Variants in PIBF1 observed in about 807,000 individuals in gnomAD.
The protein encoded by PIBF1 is progesterone-induced-blocking factor 1.
A neutral mutation model predicts 112.5 loss-of-function variants in PIBF1; 90 were observed. That is an observed-to-expected ratio of 0.80 (90% CI 0.67 to 0.95). The LOEUF is 0.95. Among genes scored for constraint, PIBF1 ranks in the 40% least tolerant of loss-of-function variants. PIBF1 has a pLI of 0.00. For missense variants in PIBF1, 915 were observed against 852.3 expected (o/e 1.07, Z -0.92); for synonymous variants, 301 against 288.6 (o/e 1.04, Z -0.44).
chr13:72,904,897 A>G (rs1454843790), intron 11 of PIBF1, among the ~76,000 whole-genome samples: 1 of 152,054 alleles, frequency 6.6e-6, no homozygotes, highest in East Asian at 1.9e-4. Flanking sequence ...TTGAAGAAAT[A>G]CACCATAAAG....
chr13:72,797,228 A>T (rs1401737996), intron 4 of PIBF1, among the ~76,000 whole-genome samples: 2 of 152,206 alleles, frequency 1.3e-5, no homozygotes, highest in Non-Finnish European at 2.9e-5. Context: ...ATGAAAATAA[A>T]GAATACACTT....
At chr13:72,919,421 G>A (rs1008971681) in intron 13 of PIBF1, among the ~76,000 whole-genome samples, 2 of 152,144 alleles carry the variant, frequency 1.3e-5, no homozygotes, top group Non-Finnish European at 2.9e-5. Flanking sequence ...TCAGAATTAT[G>A]TATTTTTAAA....
At chr13:72,965,559 G>A (rs2042719253) in intron 15 of PIBF1, among the ~76,000 whole-genome samples, 155 bp downstream of exon 15, 1 of 152,118 alleles carries the variant, frequency 6.6e-6, no homozygotes, top group Non-Finnish European at 1.5e-5. Flanking sequence ...GAAAAACTAA[G>A]GTCACATCAC....
At chr13:72,927,367 A>G (rs2041520300) in intron 13 of PIBF1, among the ~76,000 whole-genome samples, 1 of 152,040 alleles carries the variant, frequency 6.6e-6, no homozygotes, top group East Asian at 1.9e-4. Flanking sequence ...AGCCGGGCCT[A>G]GTGGCGGGCA....
At chr13:72,946,082 C>T (rs1003047876) in intron 14 of PIBF1, among the ~76,000 whole-genome samples, 9 of 152,046 alleles carry the variant, frequency 5.9e-5, no homozygotes, top group Non-Finnish European at 1.2e-4. Flanking sequence ...CGTTCTCACA[C>T]TGCCAATGAA....
intron 14 of PIBF1, among the ~76,000 whole-genome samples, chr13:72,963,029 T>C (rs1327891783): frequency 1.3e-5 from 2 of 152,158 alleles, no homozygotes; most frequent in Non-Finnish European, 2.9e-5. Context: ...GACCATTTCA[T>C]GGAGAAAAGC....
rs145969010 is a variant in PIBF1, at chr13:72,922,991, G to A, written c.1730+5825G>A. Among the ~76,000 whole-genome samples, 1,157 of 152,260 alleles carry A rather than the reference G, an allele frequency of 7.6e-3. 14 individuals carry two copies. Among genetic ancestry groups the A allele is most frequent in the Middle Eastern group, 0.014 (4 of 294 alleles). ...CCAGCCTTAAGCTTTTTGAAAGTGG[G>A]ATCCTTCTGGCACATGTCCCCTTCT... On this transcript the variant is annotated intron_variant, in intron 13 of 17. Transcript: ENST00000326291.
intron 2 of PIBF1, among the ~76,000 whole-genome samples, chr13:72,790,553 AG>A (rs2034870490): frequency 2.0e-5 from 3 of 147,062 alleles, no homozygotes; most frequent in Admixed American, 6.7e-5. Context: ...ATAGATAGAT[AG>A]ATAGATAGAT....
At position 72,950,503 on chromosome 13, in the gene PIBF1, T is replaced by TAAGAA. The variant is rs532447324; in HGVS notation, c.1834-14769_1834-14768insGAAAA. On this transcript the variant is annotated intron_variant, in intron 14 of 17. Coordinates refer to ENST00000326291, the MANE Select transcript of PIBF1 (RefSeq NM_006346.4). ...AGAAACCGTGTTACTTTTTCTCAAA[T>TAAGAA]AAATTTGTTTATTTATGGCTTTTTA... is the stretch of plus-strand genomic sequence containing the variant. Among the ~76,000 whole-genome samples the TAAGAA allele has an allele frequency of 2.5e-3, 380 of 152,332 alleles. 5 individuals are homozygous for TAAGAA. The South Asian group carries it at 0.036, about 15-fold the overall frequency.
At chr13:72,851,810 A>G (rs1435156704) in intron 9 of PIBF1, among the ~76,000 whole-genome samples, 6 of 152,242 alleles carry the variant, frequency 3.9e-5, no homozygotes, top group African/African-American at 1.4e-4. Flanking sequence ...ACTCTGGCAG[A>G]CCTCTGGACG....
At chr13:72,795,925 G>A (rs1440521195) in intron 4 of PIBF1, among the ~76,000 whole-genome samples, 1 of 152,192 alleles carries the variant, frequency 6.6e-6, no homozygotes, top group Non-Finnish European at 1.5e-5. Flanking sequence ...AAAGAACTTT[G>A]TGGTGAGAGA....
intron 12 of PIBF1, among the ~76,000 whole-genome samples, chr13:72,913,648 A>G (rs913698991): frequency 1.5e-4 from 22 of 151,700 alleles, no homozygotes; most frequent in African/African-American, 5.1e-4. Flanking sequence ...TGGTGGTGCC[A>G]GCTACATGGG....
chr13:72,893,079 T>A (rs974097340), intron 10 of PIBF1, among the ~76,000 whole-genome samples: 6 of 152,168 alleles, frequency 3.9e-5, no homozygotes, highest in Admixed American at 3.9e-4. Context: ...TCATAATAAC[T>A]CCCTGAAAAG....
intron 5 of PIBF1, among the ~76,000 whole-genome samples, chr13:72,802,411 G>A: frequency 6.6e-6 from 1 of 152,164 alleles, no homozygotes; most frequent in East Asian, 1.9e-4. Flanking sequence ...AGAGGCTGTT[G>A]TAATCTAGGG....
rs79808065 is a variant in PIBF1 at position 72,794,219 on chromosome 13, T to G, written c.354-1140T>G. On this transcript the variant is annotated intron_variant, in intron 3 of 17. Coordinates refer to ENST00000326291, the MANE Select transcript of PIBF1 (RefSeq NM_006346.4). ...GAACTAAGAATTGATCATTTGCAAT[T>G]TAGATGTCATTGAGATTTCATTGGA... 3.0e-3 allele frequency among the ~76,000 whole-genome samples: 455 copies of G among 152,284 alleles called. 2 individuals carry two copies. Among genetic ancestry groups the G allele is most frequent in the African/African-American group, 0.011 (440 of 41,548 alleles).
chr13:72,893,838 A>C lies in PIBF1; in HGVS notation c.1377A>C (p.Gln459His). The part of the protein sequence containing the change: ...TESKVTEFLH[Q>H]SKLKSFESER... ...GCAAAGTAACAGAATTTCTCCATCA[A>C]AGTAAATTAAAATCTTTTGAAAGTG... The change falls in exon 11 of 18, where the codon CAA becomes CAC. Residue 459 changes from glutamine (Q) to histidine (H), a missense_variant. Physicochemically the swap from Gln to His is conservative, Grantham distance 24. Coordinates refer to ENST00000326291, the MANE Select transcript of PIBF1 (RefSeq NM_006346.4). 6.2e-7 allele frequency: 1 copy of C among 1,605,774 alleles called. No homozygotes were observed. The highest frequency in any genetic ancestry group is 1.1e-5 in the South Asian group (1 of 89,856).
chr13:72,965,704 T>C (rs778016440), intron 15 of PIBF1, among the ~76,000 whole-genome samples: 1 of 152,166 alleles, frequency 6.6e-6, no homozygotes, highest in African/African-American at 2.4e-5. Flanking sequence ...AACTCTTTAG[T>C]GTGGTGTAGA....
intron 9 of PIBF1, among the ~76,000 whole-genome samples, chr13:72,852,087 T>TG (rs2038186551): frequency 6.6e-6 from 1 of 152,172 alleles, no homozygotes; most frequent in South Asian, 2.1e-4. Context: ...GGACACAGGA[T>TG]GAGAACTTGG....
intron 10 of PIBF1, among the ~76,000 whole-genome samples, chr13:72,875,329 G>T (rs1170199377): frequency 6.6e-6 from 1 of 152,146 alleles, no homozygotes; most frequent in African/African-American, 2.4e-5. Flanking sequence ...TTTGCTTCCA[G>T]GTTATGGCAG....
Sources: allele counts gnomAD v4.1 joint callset (sites outside exome capture counted in the v4.1 genomes callset), GRCh38; gene constraint gnomAD v4.1.1; transcripts MANE v1.5; gene names NCBI Gene and HGNC (gene_info 2026-07-23, HGNC 2026-07-21).